The following SETD2 variants were observed in gnomAD, a reference collection of about 807,000 sequenced individuals.
SETD2 encodes histone-lysine N-methyltransferase SETD2.
SETD2 carries 31 observed loss-of-function variants against 242.1 expected under a neutral mutation model. The ratio of observed to expected loss-of-function variants is 0.13; its 90% CI spans 0.10 to 0.17. SETD2 has a LOEUF of 0.17. Among genes scored for constraint, SETD2 ranks in the 10% least tolerant of loss-of-function variants. The pLI, the probability that SETD2 is intolerant of heterozygous loss-of-function variation, is 1.00. For synonymous variants in SETD2, 1,006 were observed against 1,066.5 expected, an observed-to-expected ratio of 0.94 and a Z score of 1.11; for missense variants, 2,481 against 3,046.3, an observed-to-expected ratio of 0.81 and a Z score of 4.37.
chr3:47,118,286 C>T (rs538646012), intron 3 of SETD2, among the ~76,000 whole-genome samples: 6 of 152,262 alleles, frequency 3.9e-5, no homozygotes, highest in South Asian at 4.1e-4. Flanking sequence ...TGGAATAGGA[C>T]GAATGGGCAT....
intron 1 of SETD2, among the ~76,000 whole-genome samples, chr3:47,150,329 T>C (rs1480804217): frequency 6.6e-6 from 1 of 152,120 alleles, no homozygotes. Flanking sequence ...TGAGCCACCG[T>C]GCGCGGCCTC....
At chr3:47,084,775 A>G (rs1215261090) in intron 11 of SETD2, among the ~76,000 whole-genome samples, 1 of 151,304 alleles carries the variant, frequency 6.6e-6, no homozygotes, top group Non-Finnish European at 1.5e-5. Flanking sequence ...CTTGTTGCCC[A>G]GGCTGGAGTG....
At chr3:47,158,988 A>T (rs1455832712) in intron 1 of SETD2, among the ~76,000 whole-genome samples, 1 of 152,150 alleles carries the variant, frequency 6.6e-6, no homozygotes, top group Non-Finnish European at 1.5e-5. Flanking sequence ...CATTTAAAAA[A>T]CCAATCAAGC....
intron 18 of SETD2, among the ~76,000 whole-genome samples, chr3:47,022,576 T>C (rs2038280384): frequency 6.6e-6 from 1 of 151,964 alleles, no homozygotes; most frequent in African/African-American, 2.4e-5. Context: ...AAAAAGCGAG[T>C]GCTTCCAGAT....
At chr3:47,153,086 G>A (rs1460542388) in intron 1 of SETD2, among the ~76,000 whole-genome samples, 1 of 152,144 alleles carries the variant, frequency 6.6e-6, no homozygotes, top group Non-Finnish European at 1.5e-5. Flanking sequence ...TTGGAAAGCT[G>A]AGGCAGGAGG....
intron 9 of SETD2, among the ~76,000 whole-genome samples, chr3:47,097,169 T>C (rs1436975923): frequency 6.6e-6 from 1 of 152,156 alleles, no homozygotes; most frequent in Non-Finnish European, 1.5e-5. Context: ...ACAGGGGAAT[T>C]TGCTGACTAA....
chr3:47,020,889 A>C (rs2038188224), intron 18 of SETD2, among the ~76,000 whole-genome samples: 2 of 152,202 alleles, frequency 1.3e-5, no homozygotes, highest in Non-Finnish European at 2.9e-5. Flanking sequence ...GCTCCAGAGA[A>C]AGGTGGCACT....
rs536512389 is a variant in SETD2 at position 47,120,854 on chromosome 3, T to G, written c.3782A>C (p.Asp1261Ala). The G allele has an allele frequency of 6.2e-7, 1 of 1,614,202 alleles. No homozygotes were observed. Among genetic ancestry groups the G allele is most frequent in the East Asian group, 2.2e-5 (1 of 44,890 alleles). Reference sequence around the variant, plus strand: ...GGTAGAAGGCTTTTCTTGAGAGAAGTCCCAACCTAAGTTTCTGAGCTCTTC... The same window carrying G: ...GGTAGAAGGCTTTTCTTGAGAGAAGGCCCAACCTAAGTTTCTGAGCTCTTC... ...SSEELRNLGW[D>A]FSQEKPSTTY... Residue 1261 changes from aspartate to alanine, a missense_variant, in exon 3 of 21, where the codon GAC (aspartate) becomes GCC (alanine). By Grantham distance (126) the Asp-to-Ala change is moderately radical (BLOSUM62 -2). This residue lies in a region of SETD2 where 1,300 missense variants were observed against 1,259.2 expected (regional missense o/e 1.03). Coordinates refer to ENST00000409792, the MANE Select transcript of SETD2 (RefSeq NM_014159.7).
At chr3:47,101,658 T>C in intron 7 of SETD2, 103 bp from the exon 8 acceptor site, 1 of 635,284 alleles carries the variant, frequency 1.6e-6, no homozygotes, top group Non-Finnish European at 2.8e-6. Context: ...ATCATCATCA[T>C]CTGCCTTAAT....
At chr3:47,087,943 A>G (rs1264360375) in intron 10 of SETD2, among the ~76,000 whole-genome samples, 170 bp downstream of exon 10, 1 of 151,616 alleles carries the variant, frequency 6.6e-6, no homozygotes, top group Admixed American at 6.6e-5. Flanking sequence ...TCCAGCCTGG[A>G]TGACAGAACA....
chr3:47,034,592 G>T (rs889317702), intron 18 of SETD2, among the ~76,000 whole-genome samples: 2 of 152,200 alleles, frequency 1.3e-5, no homozygotes, highest in African/African-American at 4.8e-5. Context: ...GAGCCTGAGA[G>T]TTCGAGGTTA....
At chr3:47,033,289 A>C (rs1248432849) in intron 18 of SETD2, among the ~76,000 whole-genome samples, 1 of 152,220 alleles carries the variant, frequency 6.6e-6, no homozygotes, top group African/African-American at 2.4e-5. Context: ...CTCATCCTTT[A>C]AAGCTCAAAT....
At chr3:47,063,988 GA>G (rs5848823) in intron 13 of SETD2, among the ~76,000 whole-genome samples, 128,099 of 149,198 alleles carry the variant, frequency 0.86, 55,299 homozygotes, top group African/African-American at 0.95. Flanking sequence ...ATCTCGGGAG[GA>G]AAAAAAAAAA....
In SETD2 at chr3:47,067,245, T is replaced by C. The variant is rs1026614406; in HGVS notation, c.6061-127A>G. On this transcript the variant is annotated intron_variant, in intron 12 of 20. Coordinates refer to ENST00000409792, the MANE Select transcript of SETD2 (RefSeq NM_014159.7). The stretch of plus-strand genomic sequence containing the variant: ...CAAGCTGGTACTTATTCTCTAAAAT[T>C]TGACTTATATCTGGGCTTTAAATAA... The C allele has an allele frequency of 1.9e-5, 14 of 725,970 alleles. No individual in the cohort carries two copies. The Admixed American group carries it at 2.3e-4, about 12-fold the overall frequency. The allele number at this position is 725,970 out of a possible 1,614,324, so 45.0% of individuals were successfully genotyped here. A position where few individuals can be genotyped will look rare whatever the true frequency, so the allele number is the denominator to read the frequency against.
At chr3:47,081,531 A>G (rs1278397566) in intron 12 of SETD2, among the ~76,000 whole-genome samples, 12 of 152,136 alleles carry the variant, frequency 7.9e-5, no homozygotes. Flanking sequence ...GAAGTAGTTA[A>G]CTCTTTCAAT....
At chr3:47,151,135 T>C (rs1224609546) in intron 1 of SETD2, among the ~76,000 whole-genome samples, 1 of 152,032 alleles carries the variant, frequency 6.6e-6, no homozygotes, top group South Asian at 2.1e-4. Context: ...TTCTATAATA[T>C]ATTCATCATG....
At position 47,113,895 on chromosome 3, in the gene SETD2, C is replaced by A. The variant is rs758888329; in HGVS notation, c.4696G>T (p.Ala1566Ser). The A allele has an allele frequency of 6.2e-7, 1 of 1,610,116 alleles. No homozygotes were observed. The highest frequency in any genetic ancestry group is 1.7e-5 in the Admixed American group (1 of 58,786). ...ACTTACGAAGGAAGGTCTTTGGCAG[C>A]TCTCAAGCCCCAGCCTTTCTTTTCT... ...LTEKKGWGLRAAKDLPSNTFV... is the reference protein window; with the variant it reads ...LTEKKGWGLRSAKDLPSNTFV... The change falls in exon 5 of 21, where the codon GCT becomes TCT. Residue 1566 changes from alanine (A) to serine (S), a missense_variant. By Grantham distance (99) the Ala-to-Ser change is moderately conservative. Around this residue, in one of 17 missense-constraint regions of SETD2, gnomAD observed 61 missense variants for 221.4 expected, o/e 0.28. Coordinates refer to ENST00000409792, the MANE Select transcript of SETD2 (RefSeq NM_014159.7).
chr3:47,031,374 T>C (rs933835930), intron 18 of SETD2, among the ~76,000 whole-genome samples: 29 of 152,152 alleles, frequency 1.9e-4, no homozygotes, highest in Admixed American at 1.4e-3. Context: ...ATATGGAAAC[T>C]CTCCGTACTT....
intron 2 of SETD2, 36 bp from the exon 3 acceptor site, chr3:47,124,584 T>A (rs765130584): frequency 3.2e-5 from 47 of 1,486,008 alleles, no homozygotes; most frequent in Non-Finnish European, 4.1e-5. Flanking sequence ...ACTACTACAA[T>A]AAATAGTTAC....
Sources: gnomAD v4.1 joint callset for allele counts (sites outside exome capture counted in the v4.1 genomes callset) on GRCh38, gnomAD v4.1.1 for gene constraint, gnomAD v4.1.1 regional missense constraint, MANE v1.5 for transcripts, NCBI Gene and HGNC (gene_info 2026-07-23, HGNC 2026-07-21) for gene names.